BRAF: variants seen among roughly 807,000 people sequenced by gnomAD.
The protein encoded by BRAF is serine/threonine-protein kinase B-raf.
In BRAF, 16 loss-of-function variants were observed where a neutral mutation model predicts 104.6. That is an observed-to-expected ratio of 0.15 (90% CI 0.10 to 0.23). The LOEUF (loss-of-function observed/expected upper bound fraction) is 0.23. BRAF is among the 10% of genes least tolerant of loss of function. The pLI is 1.00. For synonymous variants in BRAF, 310 were observed against 341.6 expected (o/e 0.91, Z 1.02); for missense variants, 541 against 937.3 (o/e 0.58, Z 5.52).
rs371851738 is a variant in BRAF at position 140,924,279 on chromosome 7, T to G, written c.138+287A>C. On this transcript the variant is annotated intron_variant, in intron 1 of 19. Coordinates refer to ENST00000644969, the MANE Select transcript of BRAF (RefSeq NM_001374258.1). This position sits in a 1 kb window ranked among gnomAD's most constrained non-coding sequence, Gnocchi z 4.2. ...AATCGTGACCTTCTCGGACCAACCC[T>G]GAGTTTCGCCCCCTATTGATAGCCT... Among the ~76,000 whole-genome samples the G allele has an allele frequency of 6.6e-6, 1 of 151,952 alleles. No individual in the cohort carries two copies. The highest frequency in any genetic ancestry group is 1.5e-5 in the Non-Finnish European group (1 of 67,980).
Position 140,720,008 on chromosome 7 carries a change from G to A in BRAF, c.*6486C>T. On this transcript the variant is annotated 3_prime_UTR_variant, in exon 20 of 20. Coordinates refer to ENST00000644969, the MANE Select transcript of BRAF (RefSeq NM_001374258.1). ...TCTCCCTTTCCTCTCCCTTACAGGA[G>A]TCATGTCCTCAAACCAAGGAATACA... The A allele has an allele frequency of 1.9e-6, 2 of 1,062,278 alleles. No homozygotes were observed. The highest frequency in any genetic ancestry group is 5.1e-5 in the East Asian group (1 of 19,690). The allele number at this position is 1,062,278 out of a possible 1,614,324, so 65.8% of individuals were successfully genotyped here.
At chr7:140,904,984 A>C (rs905534906) in intron 1 of BRAF, among the ~76,000 whole-genome samples, 2 of 152,206 alleles carry the variant, frequency 1.3e-5, no homozygotes, top group Non-Finnish European at 2.9e-5. Flanking sequence ...AGAGATCTTT[A>C]ATGAAAATGG....
chr7:140,729,451 C>T (rs1795811348), intron 19 of BRAF, among the ~76,000 whole-genome samples: 1 of 152,044 alleles, frequency 6.6e-6, no homozygotes, highest in South Asian at 2.1e-4. Flanking sequence ...TCAAGACCAG[C>T]CTGGCCAACA....
intron 16 of BRAF, 109 bp from the exon 16 acceptor site, chr7:140,749,527 A>C: frequency 8.6e-7 from 1 of 1,168,758 alleles, no homozygotes; most frequent in African/African-American, 1.5e-5. Context: ...ACACCTGTCT[A>C]ATATGTAATC....
intron 1 of BRAF, among the ~76,000 whole-genome samples, chr7:140,916,364 TA>T (rs1330774347): frequency 6.6e-6 from 1 of 152,132 alleles, no homozygotes; most frequent in East Asian, 1.9e-4. Flanking sequence ...AGAAGAAACA[TA>T]ATGATTTAAT....
chr7:140,834,353 C>T, intron 3 of BRAF: 1 of 595,172 alleles, frequency 1.7e-6, no homozygotes, highest in South Asian at 2.2e-5. Context: ...TAAACTAGTG[C>T]TTAGACATGA....
intron 1 of BRAF, among the ~76,000 whole-genome samples, chr7:140,863,359 AG>A (rs1453903141): frequency 6.6e-6 from 1 of 152,204 alleles, no homozygotes; most frequent in African/African-American, 2.4e-5. Context: ...ATGGTAAGCA[AG>A]GGGAGAGTAG....
chr7:140,916,621 T>G (rs1817663183), intron 1 of BRAF, among the ~76,000 whole-genome samples: 1 of 152,222 alleles, frequency 6.6e-6, no homozygotes, highest in Non-Finnish European at 1.5e-5. Flanking sequence ...GTGATTGACT[T>G]TTCTGTGCAA....
At chr7:140,765,209 T>C (rs1799185645) in intron 14 of BRAF, among the ~76,000 whole-genome samples, 1 of 152,228 alleles carries the variant, frequency 6.6e-6, no homozygotes, top group African/African-American at 2.4e-5. Context: ...AAGGATTCCC[T>C]ACTTAATAAA....
chr7:140,741,047 G>A (rs1375464678), intron 17 of BRAF: 1 of 152,208 alleles, frequency 6.6e-6, no homozygotes, highest in African/African-American at 2.4e-5. Context: ...ACAGCCAGGA[G>A]AATGTAAAGC....
rs151025956 is a variant in BRAF at position 140,759,878 on chromosome 7, G to C, written c.1815-5645C>G. Among the ~76,000 whole-genome samples the C allele has an allele frequency of 1.6e-3, 248 of 152,286 alleles. 1 individual carries two copies. The highest frequency in any genetic ancestry group is 0.014 in the Middle Eastern group (4 of 294). Reference sequence around the variant, plus strand: ...AAAATGCAGTCTTTGATTCAGGTCTGGGGTGGTATCTAAAACTTAGCATTT... The same window carrying C: ...AAAATGCAGTCTTTGATTCAGGTCTCGGGTGGTATCTAAAACTTAGCATTT... On this transcript the variant is annotated intron_variant, in intron 14 of 19. Transcript: ENST00000644969.
At chr7:140,912,107 T>C (rs1262113684) in intron 1 of BRAF, among the ~76,000 whole-genome samples, 1 of 152,222 alleles carries the variant, frequency 6.6e-6, no homozygotes, top group Non-Finnish European at 1.5e-5. Flanking sequence ...GAGCTATGAC[T>C]GTGCCACTGC....
At chr7:140,738,041 A>G (rs184135558) in intron 18 of BRAF, among the ~76,000 whole-genome samples, 7 of 152,324 alleles carry the variant, frequency 4.6e-5, no homozygotes, top group Admixed American at 2.0e-4. Flanking sequence ...AAAAGAGAAC[A>G]TGGGACAGGG....
intron 2 of BRAF, among the ~76,000 whole-genome samples, chr7:140,844,870 A>C (rs2129069877): frequency 6.6e-6 from 1 of 152,224 alleles, no homozygotes; most frequent in Admixed American, 6.5e-5. Context: ...CAGTGAGCCA[A>C]GATCACACCA....
intron 7 of BRAF, among the ~76,000 whole-genome samples, chr7:140,797,976 C>T (rs950674372): frequency 6.6e-6 from 1 of 152,280 alleles, no homozygotes; most frequent in East Asian, 1.9e-4. Flanking sequence ...GAGAACACAA[C>T]GGCTGCATTT....
downstream of BRAF, among the ~76,000 whole-genome samples, chr7:140,716,543 C>T (rs546512566): frequency 2.0e-5 from 3 of 152,258 alleles, no homozygotes; most frequent in Non-Finnish European, 4.4e-5. Flanking sequence ...TTCCAGCAGA[C>T]GCAGTGCCAC....
chr7:140,875,358 T>C (rs1812109613), intron 1 of BRAF, among the ~76,000 whole-genome samples: 1 of 152,174 alleles, frequency 6.6e-6, no homozygotes, highest in African/African-American at 2.4e-5. Context: ...TCATAAAGTG[T>C]TGAAAATGAA....
intron 1 of BRAF, among the ~76,000 whole-genome samples, chr7:140,860,895 T>C (rs565121182): frequency 1.4e-4 from 21 of 152,298 alleles, no homozygotes; most frequent in African/African-American, 4.6e-4. Context: ...ATGTTTATAA[T>C]AGCAAAAAAC....
At chr7:140,832,425 T>C (rs1431512119) in intron 3 of BRAF, among the ~76,000 whole-genome samples, 1 of 152,166 alleles carries the variant, frequency 6.6e-6, no homozygotes, top group African/African-American at 2.4e-5. Flanking sequence ...GAACACAGCA[T>C]GGCAAATGCT....
Sources: allele counts gnomAD v4.1 joint callset (sites outside exome capture counted in the v4.1 genomes callset), GRCh38; gene constraint gnomAD v4.1.1; non-coding constraint Gnocchi (gnomAD v3.1); transcripts MANE v1.5; gene names NCBI Gene and HGNC (gene_info 2026-07-23, HGNC 2026-07-21).